PTPRN2: variants seen among roughly 807,000 people sequenced by gnomAD.
The protein encoded by PTPRN2 is protein tyrosine phosphatase receptor type N2, also known as receptor-type tyrosine-protein phosphatase N2.
A neutral mutation model predicts 118.8 loss-of-function variants in PTPRN2; 74 were observed. The ratio of observed to expected loss-of-function variants is 0.62; its 90% CI spans 0.52 to 0.76. The LOEUF (loss-of-function observed/expected upper bound fraction) is 0.76, where lower values mean the gene tolerates loss of function less well. Among genes scored for constraint, PTPRN2 ranks in the 30% least tolerant of loss-of-function variants. The probability of loss-of-function intolerance (pLI) is 0.00; values close to 1 mark genes in which losing one functional copy is unlikely to be tolerated. For missense variants in PTPRN2, 1,481 were observed against 1,394.4 expected, an observed-to-expected ratio of 1.06 and a Z score of -0.99; for synonymous variants, 641 against 608.0, an observed-to-expected ratio of 1.05 and a Z score of -0.80.
chr7:158,389,552 C>G (rs1811760966), intron 2 of PTPRN2, among the ~76,000 whole-genome samples: 1 of 152,342 alleles, frequency 6.6e-6, no homozygotes, highest in African/African-American at 2.4e-5. Context: ...GAAACAAACA[C>G]TCCTCCTTAT....
In PTPRN2 at chr7:158,522,130, G is replaced by A. The variant is rs111817329; in HGVS notation, c.113-32345C>T. On this transcript the variant is annotated intron_variant, in intron 1 of 22. Transcript: ENST00000389418. Reference sequence around the variant, plus strand: ...CGTCACAATGGTGGACTGTCCAGGTGCTGGCTCAGGAGGGAGGTCCACGTC... The same window carrying A: ...CGTCACAATGGTGGACTGTCCAGGTACTGGCTCAGGAGGGAGGTCCACGTC... Among the ~76,000 whole-genome samples, 208 of 34,038 alleles carry A rather than the reference G, an allele frequency of 6.1e-3. 1 individual carries two copies. Among genetic ancestry groups the A allele is most frequent in the African/African-American group, 0.024 (157 of 6,630 alleles). 22.3% of individuals were successfully genotyped at this position (34,038 alleles called of 152,430 possible).
rs1199055705 is a variant in PTPRN2 at position 157,591,283 on chromosome 7, C to T, written c.2496+3955G>A. Among the ~76,000 whole-genome samples, 5 of 152,146 alleles carry T rather than the reference C, an allele frequency of 3.3e-5. No homozygotes were observed. The highest frequency in any genetic ancestry group is 3.2e-3 in the Middle Eastern group (1 of 316). On this transcript the variant is annotated intron_variant, in intron 17 of 22. Coordinates refer to ENST00000389418, the MANE Select transcript of PTPRN2 (RefSeq NM_002847.5). The surrounding 1 kb of genome is among the most constrained non-coding windows in gnomAD (Gnocchi z 4.4). ...TTTCTTCCTGGAATTTGCTGATTAC[C>T]GACAGAGAAGAAACACCTGTGGACC...
intron 19 of PTPRN2, among the ~76,000 whole-genome samples, chr7:157,575,856 C>G (rs1420410488): frequency 6.6e-6 from 1 of 152,228 alleles, no homozygotes; most frequent in Non-Finnish European, 1.5e-5. Context: ...AAGACATATT[C>G]TATACAATTT....
At chr7:158,171,294 CATATAT>C (rs771143653) in intron 5 of PTPRN2, among the ~76,000 whole-genome samples, 2,970 of 61,634 alleles carry the variant, frequency 0.048, 191 homozygotes, top group Non-Finnish European at 0.067. Flanking sequence ...TATATACACA[CATATAT>C]ATACACACAT....
chr7:157,948,221 A>G lies in PTPRN2; in HGVS notation c.1724-49484T>C, dbSNP rs183574660. Among the ~76,000 whole-genome samples the G allele has an allele frequency of 3.9e-5, 6 of 152,368 alleles. No homozygotes were observed. The East Asian group carries it at 1.2e-3, about 29-fold the overall frequency. On this transcript the variant is annotated intron_variant, in intron 11 of 22. Transcript: ENST00000389418. The stretch of plus-strand genomic sequence containing the variant: ...CCTCCTTTTGTCTTCTATATGATTT[A>G]AAAGACAAATGCATAAAACAATAAT...
intron 3 of PTPRN2, among the ~76,000 whole-genome samples, chr7:158,296,757 T>C (rs1015436340): frequency 2.0e-5 from 3 of 152,204 alleles, no homozygotes; most frequent in African/African-American, 4.8e-5. Flanking sequence ...AGGGAACTTT[T>C]CCTGTTTCAC....
intron 9 of PTPRN2, among the ~76,000 whole-genome samples, chr7:158,127,289 G>A (rs1199937601): frequency 1.4e-5 from 2 of 147,536 alleles, no homozygotes; most frequent in Non-Finnish European, 3.0e-5. Context: ...CCTGTGCCCT[G>A]CGTCCTCCTC....
chr7:158,220,109 C>T (rs1828244184), intron 3 of PTPRN2, among the ~76,000 whole-genome samples: 1 of 152,058 alleles, frequency 6.6e-6, no homozygotes, highest in Non-Finnish European at 1.5e-5. Flanking sequence ...TTCAACATCC[C>T]TTCATGTTAA....
chr7:158,502,602 G>A (rs1224307782), intron 1 of PTPRN2, among the ~76,000 whole-genome samples: 1 of 152,246 alleles, frequency 6.6e-6, no homozygotes, highest in African/African-American at 2.4e-5. Flanking sequence ...GCTGTGTCAA[G>A]TGGTCTCACA....
chr7:158,165,910 A>T (rs1822924791), intron 6 of PTPRN2, among the ~76,000 whole-genome samples: 2 of 152,124 alleles, frequency 1.3e-5, no homozygotes, highest in South Asian at 4.1e-4. Flanking sequence ...CTCGAGGCCG[A>T]CACTGTTCAG....
At chr7:157,897,019 C>T (rs189460067) in intron 12 of PTPRN2, among the ~76,000 whole-genome samples, 5 of 152,180 alleles carry the variant, frequency 3.3e-5, no homozygotes, top group Admixed American at 6.5e-5. Context: ...CCGCTTCTCA[C>T]GGGGCCTAAA....
rs1294422863 is a variant in PTPRN2 at position 157,944,185 on chromosome 7, C to T, written c.1724-45448G>A. Among the ~76,000 whole-genome samples the T allele has an allele frequency of 2.0e-5, 3 of 152,214 alleles. No individual in the cohort carries two copies. Among genetic ancestry groups the T allele is most frequent in the East Asian group, 3.9e-4 (2 of 5,194 alleles). The stretch of plus-strand genomic sequence containing the variant: ...ACCTTCACAGGGAAGGAAGGCGGAA[C>T]TCTCTTTCCTTGCCACAGAAAAGGA... On this transcript the variant is annotated intron_variant, in intron 11 of 22. Transcript: ENST00000389418. The surrounding 1 kb of genome is among the most constrained non-coding windows in gnomAD (Gnocchi z 4.3).
chr7:157,633,538 C>A (rs1047915962), intron 14 of PTPRN2, among the ~76,000 whole-genome samples: 1 of 152,218 alleles, frequency 6.6e-6, no homozygotes, highest in Non-Finnish European at 1.5e-5. Context: ...TAAGAAGATG[C>A]GGACAAGAGT....
At chr7:158,311,885 G>GCT (rs1386872258) in intron 3 of PTPRN2, among the ~76,000 whole-genome samples, 2 of 120,280 alleles carry the variant, frequency 1.7e-5, no homozygotes, top group African/African-American at 6.8e-5. Flanking sequence ...CCACACACCT[G>GCT]CACGTGTAGA....
intron 11 of PTPRN2, among the ~76,000 whole-genome samples, chr7:158,053,077 T>C (rs909211986): frequency 6.6e-6 from 1 of 152,106 alleles, no homozygotes; most frequent in African/African-American, 2.4e-5. Flanking sequence ...AGAAGCACAG[T>C]CTCTCTCAGT....
intron 1 of PTPRN2, among the ~76,000 whole-genome samples, chr7:158,522,913 G>C (rs1387933164): frequency 2.6e-5 from 4 of 152,226 alleles, no homozygotes; most frequent in Non-Finnish European, 5.9e-5. Context: ...CGTGAGAAGG[G>C]AGAGGGCAGC....
At position 157,987,507 on chromosome 7, in the gene PTPRN2, C is replaced by G. The variant is rs113890384; in HGVS notation, c.1724-88770G>C. 0.017 allele frequency among the ~76,000 whole-genome samples: 2,616 copies of G among 152,212 alleles called. 71 individuals carry two copies. Among genetic ancestry groups the G allele is most frequent in the African/African-American group, 0.059 (2,458 of 41,508 alleles). On this transcript the variant is annotated intron_variant, in intron 11 of 22. Coordinates refer to ENST00000389418, the MANE Select transcript of PTPRN2 (RefSeq NM_002847.5). This position sits in a 1 kb window ranked among gnomAD's most constrained non-coding sequence, Gnocchi z 4.3. ...GGTGTGATGACCTGTCAGTCATTAT[C>G]TCTTGCATAAGAGACTTCCCAGGGG... is the stretch of plus-strand genomic sequence containing the variant.
At chr7:158,062,313 C>A (rs1181611978) in intron 11 of PTPRN2, among the ~76,000 whole-genome samples, 1 of 152,250 alleles carries the variant, frequency 6.6e-6, no homozygotes, top group Non-Finnish European at 1.5e-5. Context: ...GCTGCAGGTG[C>A]TGGCTGTATT....
chr7:157,958,593 C>A (rs377113936), intron 11 of PTPRN2, among the ~76,000 whole-genome samples: 1 of 152,114 alleles, frequency 6.6e-6, no homozygotes, highest in Non-Finnish European at 1.5e-5. Flanking sequence ...ATACAGAAAT[C>A]ATTTGTACTT....
Sources: allele counts gnomAD v4.1 joint callset (sites outside exome capture counted in the v4.1 genomes callset), GRCh38; gene constraint gnomAD v4.1.1; non-coding constraint Gnocchi (gnomAD v3.1); transcripts MANE v1.5; gene names NCBI Gene and HGNC (gene_info 2026-07-23, HGNC 2026-07-21).